ITGA8: variants seen among roughly 807,000 people sequenced by gnomAD.
ITGA8 encodes the protein integrin subunit alpha 8.
Under a neutral mutation model 142.3 loss-of-function variants are expected in ITGA8, and 91 were observed. That is an observed-to-expected ratio of 0.64 (90% CI 0.54 to 0.76). The LOEUF is 0.76. Ranked by LOEUF, ITGA8 falls within the 30% of genes least tolerant of loss-of-function variation. The probability of loss-of-function intolerance (pLI) is 0.00; values close to 1 mark genes in which losing one functional copy is unlikely to be tolerated. For synonymous variants in ITGA8, 505 were observed against 485.2 expected (o/e 1.04, Z -0.54); for missense variants, 1,406 against 1,327.7 (o/e 1.06, Z -0.92).
chr10:15,559,595 G>T (rs952018553), intron 25 of ITGA8, among the ~76,000 whole-genome samples: 2 of 151,904 alleles, frequency 1.3e-5, no homozygotes, highest in East Asian at 3.9e-4. Context: ...GACAAAGAAT[G>T]CCAAATCCTG....
chr10:15,622,292 C>T (rs576260356), intron 13 of ITGA8, among the ~76,000 whole-genome samples: 1 of 152,270 alleles, frequency 6.6e-6, no homozygotes, highest in South Asian at 2.1e-4. Flanking sequence ...TCCCACTTCT[C>T]ACTCTCATCT....
chr10:15,582,482 A>G (rs1348705327), intron 23 of ITGA8, among the ~76,000 whole-genome samples: 1 of 152,262 alleles, frequency 6.6e-6, no homozygotes, highest in Non-Finnish European at 1.5e-5. Context: ...TATTAAGGAA[A>G]TATAAAACCA....
chr10:15,674,954 A>G (rs1791929838), intron 6 of ITGA8, among the ~76,000 whole-genome samples: 1 of 148,992 alleles, frequency 6.7e-6, no homozygotes, highest in African/African-American at 2.5e-5. Flanking sequence ...AAAAAAAATC[A>G]TAAATCTATC....
At chr10:15,640,966 G>T (rs559554919) in intron 13 of ITGA8, among the ~76,000 whole-genome samples, 8 of 152,206 alleles carry the variant, frequency 5.3e-5, no homozygotes, top group Admixed American at 3.3e-4. Flanking sequence ...GATGATGGGT[G>T]TGAGCCAGAT....
chr10:15,662,658 A>T (rs1018878908), intron 8 of ITGA8, among the ~76,000 whole-genome samples: 2 of 152,098 alleles, frequency 1.3e-5, no homozygotes, highest in African/African-American at 2.4e-5. Flanking sequence ...TTAATAATCA[A>T]TATAATCAGG....
chr10:15,533,717 C>T (rs11819393), intron 27 of ITGA8, among the ~76,000 whole-genome samples: 30,119 of 152,068 alleles, frequency 0.2, 4,020 homozygotes, highest in African/African-American at 0.38. Flanking sequence ...CTAGATGGAA[C>T]GCTTTTCTCT....
intron 24 of ITGA8, among the ~76,000 whole-genome samples, chr10:15,572,998 G>T (rs979740679): frequency 6.6e-6 from 1 of 152,162 alleles, no homozygotes; most frequent in Non-Finnish European, 1.5e-5. Flanking sequence ...ACACAAAATT[G>T]TTTGCCCAAA....
rs779603245 is a variant in ITGA8, at chr10:15,519,400, C to T, written c.2995G>A (p.Val999Ile). 20 of 1,613,554 alleles carry T rather than the reference C, an allele frequency of 1.2e-5. No individual in the cohort carries two copies. Among genetic ancestry groups the T allele is most frequent in the Non-Finnish European group, 1.7e-5 (20 of 1,179,760 alleles). The change falls in exon 29 of 30, where the codon GTT becomes ATT. Residue 999 changes from valine (V) to isoleucine (I), a missense_variant. Physicochemically the swap from Val to Ile is conservative, Grantham distance 29 (BLOSUM62 3). Transcript: ENST00000378076. ...GAAACATTCGGAGTTGCCCAAATAA[C>T]TGATGTCTTAATCTGAAATGGAAAA... ...PEGSIVIKTS[V>I]IWATPNVSFS...
intron 13 of ITGA8, among the ~76,000 whole-genome samples, chr10:15,618,441 A>C (rs1392970294): frequency 2.0e-5 from 3 of 152,228 alleles, no homozygotes; most frequent in Non-Finnish European, 4.4e-5. Context: ...GTACAGAAAA[A>C]TGATTTACAG....
intron 27 of ITGA8, among the ~76,000 whole-genome samples, chr10:15,535,930 C>G (rs35697622): frequency 0.2 from 30,225 of 151,692 alleles, 4,080 homozygotes; most frequent in African/African-American, 0.39. Context: ...TGAAGCCAAC[C>G]AGACCACAAA....
At chr10:15,627,087 G>A (rs952657123) in intron 13 of ITGA8, among the ~76,000 whole-genome samples, 8 of 152,116 alleles carry the variant, frequency 5.3e-5, no homozygotes, top group African/African-American at 1.7e-4. Flanking sequence ...TCAGCAGGGG[G>A]CTTTAAAAAC....
At chr10:15,713,538 C>G (rs1835398092) in intron 2 of ITGA8, among the ~76,000 whole-genome samples, 2 of 152,176 alleles carry the variant, frequency 1.3e-5, no homozygotes, top group Admixed American at 1.3e-4. Flanking sequence ...CTCTAACCTA[C>G]ATTTTTCTTT....
intron 6 of ITGA8, among the ~76,000 whole-genome samples, chr10:15,675,647 G>C (rs965114089): frequency 6.6e-6 from 1 of 152,170 alleles, no homozygotes; most frequent in Non-Finnish European, 1.5e-5. Flanking sequence ...CAGCCAGAAT[G>C]ATCCTTTCAA....
chr10:15,539,876 C>T (rs1833533067), intron 27 of ITGA8, among the ~76,000 whole-genome samples: 1 of 152,132 alleles, frequency 6.6e-6, no homozygotes, highest in South Asian at 2.1e-4. Context: ...AAGGGTGGGG[C>T]CGGGTGGAGA....
Position 15,531,118 on chromosome 10 carries a change from C to A in ITGA8, c.2914G>T (p.Val972Leu). The change falls in exon 28 of 30, where the codon GTG becomes TTG. Residue 972 changes from valine (V) to leucine (L), a missense_variant. By Grantham distance (32) the Val-to-Leu change is conservative. Coordinates refer to ENST00000378076, the MANE Select transcript of ITGA8 (RefSeq NM_003638.3). Reference sequence around the variant, plus strand: ...GGCATCTTCTTAACTTCAAAGGACACCAGGGATGCAAGAGCATAGGGATCA... The same window carrying A: ...GGCATCTTCTTAACTTCAAAGGACAACAGGGATGCAAGAGCATAGGGATCA... Reference protein sequence around the residue: ...KNDPYALASLVSFEVKKMPYT... With the variant: ...KNDPYALASLLSFEVKKMPYT... 1.3e-6 allele frequency: 2 copies of A among 1,569,846 alleles called. No individual in the cohort carries two copies. Among genetic ancestry groups the A allele is most frequent in the Non-Finnish European group, 1.7e-6 (2 of 1,162,526 alleles).
At chr10:15,612,043 T>C (rs763131177) in intron 15 of ITGA8, among the ~76,000 whole-genome samples, 3 of 152,200 alleles carry the variant, frequency 2.0e-5, no homozygotes, top group African/African-American at 7.2e-5. Flanking sequence ...CAGTTCATTG[T>C]TCATTTAATC....
At chr10:15,692,266 G>C (rs1007276260) in intron 2 of ITGA8, among the ~76,000 whole-genome samples, 3 of 151,982 alleles carry the variant, frequency 2.0e-5, no homozygotes, top group Non-Finnish European at 4.4e-5. Flanking sequence ...AAAAAAACTT[G>C]AGCACCAATT....
chr10:15,619,429 A>G (rs1196524720), intron 13 of ITGA8, among the ~76,000 whole-genome samples: 1 of 152,232 alleles, frequency 6.6e-6, no homozygotes, highest in East Asian at 1.9e-4. Context: ...AAACATGTGC[A>G]TGCTGATGTT....
chr10:15,697,551 A>T (rs1588733542), intron 2 of ITGA8, among the ~76,000 whole-genome samples: 1 of 152,230 alleles, frequency 6.6e-6, no homozygotes, highest in Non-Finnish European at 1.5e-5. Flanking sequence ...AGGACTAGAT[A>T]AATGTCTTAG....
Sources: gnomAD v4.1 joint callset for allele counts (sites outside exome capture counted in the v4.1 genomes callset) on GRCh38, gnomAD v4.1.1 for gene constraint, MANE v1.5 for transcripts, NCBI Gene and HGNC (gene_info 2026-07-23, HGNC 2026-07-21) for gene names.